EPRS1: variants seen among roughly 807,000 people sequenced by gnomAD.
The protein encoded by EPRS1 is glutamyl-prolyl-tRNA synthetase 1.
Under a neutral mutation model 188.3 loss-of-function variants are expected in EPRS1, and 107 were observed. The ratio of observed to expected loss-of-function variants is 0.57; its 90% confidence interval spans 0.49 to 0.67. EPRS1 has a LOEUF of 0.67. Ranked by LOEUF, EPRS1 falls within the 30% of genes least tolerant of loss-of-function variation. The pLI, the probability that EPRS1 is intolerant of heterozygous loss-of-function variation, is 0.00. For synonymous variants in EPRS1, 596 were observed against 593.1 expected (o/e 1.00, Z -0.07); for missense variants, 1,577 against 1,802.2 (o/e 0.88, Z 2.26).
intron 12 of EPRS1, among the ~76,000 whole-genome samples, chr1:220,013,014 T>A (rs530750687): frequency 6.6e-6 from 1 of 152,218 alleles, no homozygotes; most frequent in Non-Finnish European, 1.5e-5. Context: ...GGGGTTGAGA[T>A]GAGAGTTGGG....
intron 7 of EPRS1, 81 bp downstream of exon 7, chr1:220,025,051 T>A (rs1316966900): frequency 7.4e-7 from 1 of 1,359,078 alleles, no homozygotes; most frequent in Non-Finnish European, 1.0e-6. Context: ...AAAATTTATT[T>A]TCATACCATG....
In EPRS1 at chr1:219,981,422, G is replaced by A. The variant is rs200677731; in HGVS notation, c.3409C>T (p.His1137Tyr). 12 of 1,608,928 alleles carry A rather than the reference G, an allele frequency of 7.5e-6. No homozygotes were observed. The highest frequency in any genetic ancestry group is 1.0e-5 in the Non-Finnish European group (12 of 1,176,936). ...YPAYAKWVQSHRDLPIKLNQW... is the reference protein window; with the variant it reads ...YPAYAKWVQSYRDLPIKLNQW... ...TTGAGCTTGATGGGCAGGTCTCTGT[G>A]TGACTGTACCCATTTTGCATATGCA... Residue 1137 changes from histidine (H) to tyrosine (Y), a missense_variant, in exon 24 of 32, where the codon CAC (histidine) becomes TAC (tyrosine). His to Tyr is a moderately conservative substitution (Grantham distance 83). Coordinates refer to ENST00000366923, the MANE Select transcript of EPRS1 (RefSeq NM_004446.3).
In EPRS1 at chr1:219,975,787, T is replaced by C. The variant is rs527880161; in HGVS notation, c.4084-2389A>G. ...TAAAGTATAGATATAAACTCTTGGT[T>C]TTCAACATACATAAATAGATATGGA... On this transcript the variant is annotated intron_variant, in intron 28 of 31. Coordinates refer to ENST00000366923, the MANE Select transcript of EPRS1 (RefSeq NM_004446.3). Among the ~76,000 whole-genome samples the C allele has an allele frequency of 8.5e-4, 129 of 152,194 alleles. 1 individual carries two copies. Among genetic ancestry groups the C allele is most frequent in the Non-Finnish European group, 1.6e-3 (107 of 68,012 alleles).
intron 10 of EPRS1, among the ~76,000 whole-genome samples, chr1:220,019,740 T>C (rs1233986339): frequency 6.6e-6 from 1 of 152,184 alleles, no homozygotes; most frequent in Non-Finnish European, 1.5e-5. Flanking sequence ...TGCTAAGACC[T>C]GCAGAGGATG....
intron 21 of EPRS1, among the ~76,000 whole-genome samples, chr1:219,983,923 A>G (rs1410361267): frequency 6.6e-6 from 1 of 151,446 alleles, no homozygotes; most frequent in Non-Finnish European, 1.5e-5. Flanking sequence ...TTGAATTCCA[A>G]TCCTGCCTCT....
intron 28 of EPRS1, 112 bp from the exon 29 acceptor site, chr1:219,973,510 G>C: frequency 6.2e-4 from 325 of 525,574 alleles, no homozygotes; most frequent in Middle Eastern, 7.6e-4. Flanking sequence ...AAAAACAAAG[G>C]CAAAGCCAAA....
At position 219,975,470 on chromosome 1, in the gene EPRS1, CTT is replaced by C. The variant is rs562176491; in HGVS notation, c.4084-2074_4084-2073del. Among the ~76,000 whole-genome samples the C allele has an allele frequency of 2.3e-3, 347 of 152,258 alleles. 2 individuals carry two copies. The highest frequency in any genetic ancestry group is 7.3e-3 in the African/African-American group (305 of 41,540). On this transcript the variant is annotated intron_variant, in intron 28 of 31. Coordinates refer to ENST00000366923, the MANE Select transcript of EPRS1 (RefSeq NM_004446.3). The stretch of plus-strand genomic sequence containing the variant: ...GTTTTTCTTGAGATGGAGTTTCGCT[CTT>C]GTCACCCAGGCAGGAGTGCAATGGT...
chr1:220,023,272 A>G (rs1661911423), intron 8 of EPRS1, among the ~76,000 whole-genome samples: 1 of 152,232 alleles, frequency 6.6e-6, no homozygotes, highest in Admixed American at 6.5e-5. Context: ...AAGCTACTAG[A>G]AATGTAAGAC....
chr1:220,031,678 C>T (rs1768673), intron 5 of EPRS1, among the ~76,000 whole-genome samples: 95,507 of 152,020 alleles, frequency 0.63, 31,882 homozygotes, highest in Non-Finnish European at 0.75. Flanking sequence ...CAAAGTGGAG[C>T]AACTCTGGTA....
rs530673432 is a variant in EPRS1 at position 220,035,640 on chromosome 1, C to T, written c.132-627G>A. On this transcript the variant is annotated intron_variant, in intron 2 of 31. Transcript: ENST00000366923. ...GGTCAGGAGTTTGAGACCAGCCTGG[C>T]TAATATGGTAAAACCCCGTCTCTAC... is the stretch of plus-strand genomic sequence containing the variant. Among the ~76,000 whole-genome samples, 50 of 151,852 alleles carry T rather than the reference C, an allele frequency of 3.3e-4. 1 individual carries two copies. In the South Asian group the frequency reaches 1.0e-2, roughly 30 times the overall value.
At chr1:220,001,488 G>C (rs1661350970) in intron 16 of EPRS1, among the ~76,000 whole-genome samples, 1 of 152,008 alleles carries the variant, frequency 6.6e-6, no homozygotes, top group African/African-American at 2.4e-5. Flanking sequence ...GCCTCAGCCT[G>C]TAAGTAGCTG....
intron 20 of EPRS1, among the ~76,000 whole-genome samples, chr1:219,986,023 C>T (rs998683357): frequency 6.6e-6 from 1 of 152,200 alleles, no homozygotes; most frequent in African/African-American, 2.4e-5. Flanking sequence ...CCTGCTATAA[C>T]TCTGGTTATT....
intron 8 of EPRS1, among the ~76,000 whole-genome samples, chr1:220,023,950 G>A (rs1249200150): frequency 3.3e-5 from 5 of 152,142 alleles, no homozygotes; most frequent in African/African-American, 1.2e-4. Context: ...TCAGGAATTC[G>A]AGACCAGCTT....
chr1:220,018,559 C>T (rs1165762524), intron 11 of EPRS1, 51 bp from the exon 12 acceptor site: 2 of 1,102,708 alleles, frequency 1.8e-6, no homozygotes, highest in Admixed American at 1.8e-5. Flanking sequence ...TTAATTAGAA[C>T]TTTGCCTTTA....
chr1:220,022,161 C>T (rs1028843455), intron 9 of EPRS1, among the ~76,000 whole-genome samples, 186 bp downstream of exon 9: 7 of 152,132 alleles, frequency 4.6e-5, no homozygotes, highest in African/African-American at 1.7e-4. Context: ...GTGGTAGAAC[C>T]TTAATTGACA....
chr1:220,032,210 G>A (rs1280010194), intron 5 of EPRS1, among the ~76,000 whole-genome samples, 177 bp downstream of exon 5: 1 of 150,508 alleles, frequency 6.6e-6, no homozygotes, highest in Non-Finnish European at 1.5e-5. Flanking sequence ...GAGTAGCTGG[G>A]ACTACAGGCG....
chr1:219,977,484 T>C (rs2102561590), intron 28 of EPRS1, among the ~76,000 whole-genome samples: 1 of 152,308 alleles, frequency 6.6e-6, no homozygotes, highest in East Asian at 1.9e-4. Context: ...TTTTTCTTTT[T>C]AATCCCGCTA....
intron 1 of EPRS1, among the ~76,000 whole-genome samples, chr1:220,040,541 G>A (rs1044775029): frequency 9.2e-5 from 14 of 152,214 alleles, no homozygotes; most frequent in African/African-American, 3.4e-4. Context: ...TTCTCCCTTC[G>A]GAGACAAAAA....
In EPRS1 at chr1:219,968,705, T is replaced by C. The variant is rs575488479; in HGVS notation, c.*101A>G. The C allele has an allele frequency of 2.2e-5, 27 of 1,222,028 alleles. No individual in the cohort carries two copies. In the East Asian group the frequency reaches 6.4e-4, roughly 29 times the overall value. The allele number at this position is 1,222,028 out of a possible 1,614,324, so 75.7% of individuals were successfully genotyped here. A position where few individuals can be genotyped will look rare whatever the true frequency, so the allele number is the denominator to read the frequency against. Reference sequence around the variant, plus strand: ...CCTGTGTGACTTCATTTTAGAACTTTTACTTTTTAAAAAATCATAAAACGG... The same window carrying C: ...CCTGTGTGACTTCATTTTAGAACTTCTACTTTTTAAAAAATCATAAAACGG... On this transcript the variant is annotated 3_prime_UTR_variant, in exon 32 of 32. Coordinates refer to ENST00000366923, the MANE Select transcript of EPRS1 (RefSeq NM_004446.3).
Sources: allele counts gnomAD v4.1 joint callset (sites outside exome capture counted in the v4.1 genomes callset), GRCh38; gene constraint gnomAD v4.1.1; transcripts MANE v1.5; gene names NCBI Gene and HGNC (gene_info 2026-07-23, HGNC 2026-07-21).